Variants in FAM13B observed in about 807,000 individuals in gnomAD.
FAM13B encodes the protein family with sequence similarity 13 member B.
FAM13B carries 60 observed loss-of-function variants against 117.3 expected under a neutral mutation model. The ratio of observed to expected loss-of-function variants is 0.51; its 90% CI spans 0.42 to 0.63. The LOEUF is 0.63. Among genes scored for constraint, FAM13B ranks in the 30% least tolerant of loss-of-function variants. FAM13B has a pLI of 0.00. For missense variants in FAM13B, 972 were observed against 1,091.9 expected, an observed-to-expected ratio of 0.89 and a Z score of 1.55; for synonymous variants, 332 against 356.1, an observed-to-expected ratio of 0.93 and a Z score of 0.76.
chr5:137,975,907 A>C (rs1773781487), intron 10 of FAM13B, among the ~76,000 whole-genome samples: 1 of 150,794 alleles, frequency 6.6e-6, no homozygotes, highest in Non-Finnish European at 1.5e-5. Flanking sequence ...TCCTGTATCA[A>C]GAAAGCAGAA....
At chr5:137,985,074 G>A (rs977398287) in intron 10 of FAM13B, among the ~76,000 whole-genome samples, 183 bp downstream of exon 10, 1 of 152,140 alleles carries the variant, frequency 6.6e-6, no homozygotes, top group African/African-American at 2.4e-5. Context: ...CAGCCAATAA[G>A]TTGTTTTATA....
At chr5:138,051,808 C>T (rs1168009477) in intron 1 of FAM13B, 1 of 152,084 alleles carries the variant, frequency 6.6e-6, no homozygotes. Context: ...CTGCACATTC[C>T]CCACTATATC....
At position 137,956,519 on chromosome 5, in the gene FAM13B, G is replaced by A; in HGVS notation, c.1465C>T (p.Leu489Phe). ...WEASCPITFP[L>F]IDFKTMHLQR... ...AGATGCATTGTTTTGAAATCAATGA[G>A]GGGAAAAGTGATAGGGCATGACGCT... Residue 489 changes from leucine to phenylalanine, a missense_variant, in exon 14 of 24, where the codon CTC (leucine) becomes TTC (phenylalanine). Physicochemically the swap from Leu to Phe is conservative, Grantham distance 22 (BLOSUM62 0). Transcript: ENST00000689681. 6.2e-7 allele frequency: 1 copy of A among 1,600,020 alleles called. No homozygotes were observed. The highest frequency in any genetic ancestry group is 8.5e-7 in the Non-Finnish European group (1 of 1,172,686).
intron 1 of FAM13B, among the ~76,000 whole-genome samples, chr5:138,027,332 A>T (rs1277723333): frequency 6.6e-6 from 1 of 152,204 alleles, no homozygotes; most frequent in African/African-American, 2.4e-5. Context: ...CTGGTATACA[A>T]AGTCAGAAAA....
intron 23 of FAM13B, 24 bp from the exon 24 acceptor site, chr5:137,940,372 A>T: frequency 6.4e-7 from 1 of 1,560,466 alleles, no homozygotes; most frequent in Non-Finnish European, 8.7e-7. Context: ...TAAAATTTGT[A>T]ATGTTCTAGA....
rs1484077861 is a variant in FAM13B, at chr5:137,959,726, G to T, written c.1331C>A (p.Thr444Asn). The T allele has an allele frequency of 1.2e-6, 2 of 1,613,798 alleles. No individual in the cohort carries two copies. Among genetic ancestry groups the T allele is most frequent in the Admixed American group, 3.3e-5 (2 of 59,998 alleles). The change falls in exon 13 of 24, where the codon ACT (threonine) becomes AAT (asparagine). Residue 444 changes from threonine to asparagine, a missense_variant. Physicochemically the swap from Thr to Asn is moderately conservative, Grantham distance 65. Coordinates refer to ENST00000689681, the MANE Select transcript of FAM13B (RefSeq NM_001385994.1). ...CTGACCTCCTGGTACTTCTGATTCA[G>T]TGTTGGCATTCAAATCACATATCTT... is the stretch of plus-strand genomic sequence containing the variant. ...SSKICDLNAN[T>N]ESEVPGGQSV... is the part of the protein sequence containing the mutation.
chr5:137,966,559 T>TAAGAAAAC (rs1770025794), intron 10 of FAM13B, among the ~76,000 whole-genome samples: 1 of 94,300 alleles, frequency 1.1e-5, no homozygotes, highest in Admixed American at 1.2e-4. Flanking sequence ...AACTCAACAA[T>TAAGAAAAC]AAGAAAACAA....
At chr5:138,028,951 G>A (rs529131976) in intron 1 of FAM13B, among the ~76,000 whole-genome samples, 124 of 152,292 alleles carry the variant, frequency 8.1e-4, no homozygotes, top group Non-Finnish European at 1.4e-3. Context: ...GCCAGGAGAC[G>A]GAGGTTGCAG....
rs1352028769 is a variant in FAM13B, at chr5:137,949,011, T to G, written c.2104A>C (p.Ile702Leu). ...KPSKEATLEL[I>L]LKRLKEKRIE... ...CGTTTTTCTTTCAGTCTTTTAAGAA[T>G]AAGTTCAAGGGTTGCTTCTTTAGAT... The change falls in exon 18 of 24, where the codon ATT (isoleucine) becomes CTT (leucine). Residue 702 changes from isoleucine (I) to leucine (L), a missense_variant. Transcript: ENST00000689681. 1 of 1,614,044 alleles carries G rather than the reference T, an allele frequency of 6.2e-7. No homozygotes were observed. The highest frequency in any genetic ancestry group is 8.5e-7 in the Non-Finnish European group (1 of 1,180,020).
intron 10 of FAM13B, among the ~76,000 whole-genome samples, chr5:137,969,596 C>T (rs1771354722): frequency 6.6e-6 from 1 of 152,224 alleles, no homozygotes; most frequent in African/African-American, 2.4e-5. Context: ...AGCAACGGAA[C>T]AAAGCTGGAC....
intron 7 of FAM13B, among the ~76,000 whole-genome samples, chr5:137,992,423 G>A (rs1216955041): frequency 2.6e-5 from 4 of 151,050 alleles, no homozygotes. Flanking sequence ...GAGAAACCCC[G>A]TCTCTACTAA....
intron 20 of FAM13B, among the ~76,000 whole-genome samples, chr5:137,944,356 T>C (rs367695313): frequency 1.3e-5 from 2 of 152,322 alleles, no homozygotes; most frequent in East Asian, 3.9e-4. Context: ...TGCAGTCACA[T>C]GGTTATCCAC....
chr5:138,044,157 G>A (rs1476281442), intron 1 of FAM13B, among the ~76,000 whole-genome samples: 1 of 151,830 alleles, frequency 6.6e-6, no homozygotes, highest in Non-Finnish European at 1.5e-5. Context: ...TTGAACTCCT[G>A]GCCTCAAGCG....
At chr5:137,960,030 C>T in intron 12 of FAM13B, 136 bp downstream of exon 12, 3 of 687,376 alleles carry the variant, frequency 4.4e-6, no homozygotes, top group Non-Finnish European at 7.4e-6. Flanking sequence ...AATTAAGTTG[C>T]TGTTTAACTG....
intron 1 of FAM13B, among the ~76,000 whole-genome samples, chr5:138,027,693 C>T (rs1216479932): frequency 2.0e-5 from 3 of 152,174 alleles, no homozygotes; most frequent in South Asian, 4.1e-4. Flanking sequence ...TGTTCATAGA[C>T]GCTACTTTGA....
rs1429414825 is a variant in FAM13B at position 137,939,883 on chromosome 5, A to G, written c.*342T>C. 9.0e-6 allele frequency: 12 copies of G among 1,339,338 alleles called. No individual in the cohort carries two copies. Among genetic ancestry groups the G allele is most frequent in the African/African-American group, 4.5e-5 (3 of 66,814 alleles). 83.0% of individuals were successfully genotyped at this position (1,339,338 alleles called of 1,614,324 possible). A position where few individuals can be genotyped will look rare whatever the true frequency, so the allele number is the denominator to read the frequency against. On this transcript the variant is annotated 3_prime_UTR_variant, in exon 24 of 24. Coordinates refer to ENST00000689681, the MANE Select transcript of FAM13B (RefSeq NM_001385994.1). ...AGTAATGAGAAACAAAAAGTTGGTA[A>G]TAACAAAAAGCTTGCATTTCCAAAG...
At chr5:138,006,099 G>C (rs906322790) in intron 7 of FAM13B, among the ~76,000 whole-genome samples, 9 of 151,868 alleles carry the variant, frequency 5.9e-5, no homozygotes, top group African/African-American at 2.2e-4. Flanking sequence ...GGGTTTCACC[G>C]TGTTAGCCAG....
chr5:138,029,451 C>T (rs775474260), intron 1 of FAM13B, among the ~76,000 whole-genome samples: 2 of 152,180 alleles, frequency 1.3e-5, no homozygotes, highest in Non-Finnish European at 2.9e-5. Context: ...GGAAATACTA[C>T]TAGAATATTT....
chr5:137,985,409 A>G lies in FAM13B; in HGVS notation c.1047-20T>C. 1 of 1,612,008 alleles carries G rather than the reference A, an allele frequency of 6.2e-7. No individual in the cohort carries two copies. The highest frequency in any genetic ancestry group is 8.5e-7 in the Non-Finnish European group (1 of 1,179,154). On this transcript the variant is annotated intron_variant, in intron 9 of 23. Coordinates refer to ENST00000689681, the MANE Select transcript of FAM13B (RefSeq NM_001385994.1). ...TCAATCCTAGGGATGAAGTTTAAAAATCAGATCAGGCCAAATGTTGAGTGT... is the reference window on the plus strand; with the variant it reads ...TCAATCCTAGGGATGAAGTTTAAAAGTCAGATCAGGCCAAATGTTGAGTGT...
Sources: gnomAD v4.1 joint callset for allele counts (sites outside exome capture counted in the v4.1 genomes callset) on GRCh38, gnomAD v4.1.1 for gene constraint, MANE v1.5 for transcripts, NCBI Gene and HGNC (gene_info 2026-07-23, HGNC 2026-07-21) for gene names.